Variants in ARHGAP39 observed in about 807,000 individuals in gnomAD.
ARHGAP39 encodes the protein rho GTPase-activating protein 39.
Under a neutral mutation model 106.9 loss-of-function variants are expected in ARHGAP39, and 44 were observed. The observed-to-expected ratio is 0.41, with a 90% CI of 0.32 to 0.53. The LOEUF (loss-of-function observed/expected upper bound fraction) is 0.53. Ranked by LOEUF, ARHGAP39 falls within the 20% of genes least tolerant of loss-of-function variation. The pLI, the probability that ARHGAP39 is intolerant of heterozygous loss-of-function variation, is 0.21. For synonymous variants in ARHGAP39, 768 were observed against 693.2 expected (o/e 1.11, Z -1.69); for missense variants, 1,496 against 1,577.3 (o/e 0.95, Z 0.87).
intron 3 of ARHGAP39, among the ~76,000 whole-genome samples, chr8:144,566,880 A>C (rs35179210): frequency 0.028 from 4,308 of 152,050 alleles, 202 homozygotes; most frequent in African/African-American, 0.099. Flanking sequence ...AAAAAAAGAA[A>C]TAAAGGAGCT....
intron 2 of ARHGAP39, among the ~76,000 whole-genome samples, chr8:144,584,907 C>T (rs1819123288): frequency 6.6e-6 from 1 of 152,218 alleles, no homozygotes; most frequent in African/African-American, 2.4e-5. Flanking sequence ...CCACACACTC[C>T]TCTCCCTCAG....
Position 144,547,051 on chromosome 8 carries a change from T to G in ARHGAP39, c.1959+76A>C. ...CACGCCCTGGACGCCAGGTCTCCTG[T>G]GCCTGGCCCACGGGGTCCACTCTGA... is the stretch of plus-strand genomic sequence containing the variant. On this transcript the variant is annotated intron_variant, in intron 5 of 11. Transcript: ENST00000377307. This position sits in a 1 kb window ranked among gnomAD's most constrained non-coding sequence, Gnocchi z 5.2. The G allele has an allele frequency of 6.9e-7, 1 of 1,452,552 alleles. No individual in the cohort carries two copies. Among genetic ancestry groups the G allele is most frequent in the Non-Finnish European group, 9.1e-7 (1 of 1,097,464 alleles). 90.0% of individuals were successfully genotyped at this position (1,452,552 alleles called of 1,614,324 possible).
chr8:144,629,382 C>T (rs1200336846), intron 1 of ARHGAP39, among the ~76,000 whole-genome samples: 1 of 152,026 alleles, frequency 6.6e-6, no homozygotes, highest in Non-Finnish European at 1.5e-5. Flanking sequence ...CCGCAGGCTC[C>T]AGCGGGGCTG....
At chr8:144,654,648 G>A in intron 1 of ARHGAP39, among the ~76,000 whole-genome samples, 1 of 152,198 alleles carries the variant, frequency 6.6e-6, no homozygotes, top group East Asian at 1.9e-4. Context: ...GGACAAGCAG[G>A]AGCCCCGCCC....
chr8:144,546,353 C>A (rs569146345), intron 5 of ARHGAP39, among the ~76,000 whole-genome samples: 1 of 152,240 alleles, frequency 6.6e-6, no homozygotes, highest in African/African-American at 2.4e-5. Context: ...GCCCTCTTGT[C>A]CTGCATCTTG....
rs146046843 is a variant in ARHGAP39, at chr8:144,647,054, C to T, written c.-82+38632G>A. Among the ~76,000 whole-genome samples, 1,611 of 151,564 alleles carry T rather than the reference C, an allele frequency of 0.011. 29 individuals are homozygous for T. The highest frequency in any genetic ancestry group is 0.037 in the African/African-American group (1,533 of 41,266). Reference sequence around the variant, plus strand: ...CACCATCTCGGCTCACTGCAAGCTCCGCCTCCTGGGTTCACACCATTCTCC... The same window carrying T: ...CACCATCTCGGCTCACTGCAAGCTCTGCCTCCTGGGTTCACACCATTCTCC... On this transcript the variant is annotated intron_variant, in intron 1 of 11. Coordinates refer to ENST00000377307, the MANE Select transcript of ARHGAP39 (RefSeq NM_025251.3). The surrounding 1 kb of genome is among the most constrained non-coding windows in gnomAD (Gnocchi z 4.8).
At chr8:144,623,689 G>A (rs1373749817) in intron 1 of ARHGAP39, among the ~76,000 whole-genome samples, 3 of 152,198 alleles carry the variant, frequency 2.0e-5, no homozygotes, top group Admixed American at 1.3e-4. Context: ...CCCAAGAAAC[G>A]GAAAACACAG....
intron 2 of ARHGAP39, among the ~76,000 whole-genome samples, chr8:144,589,283 T>C (rs1819301699): frequency 6.6e-6 from 1 of 152,176 alleles, no homozygotes; most frequent in South Asian, 2.1e-4. Context: ...TTATACTCTA[T>C]AAATTATATA....
intron 1 of ARHGAP39, among the ~76,000 whole-genome samples, chr8:144,668,715 T>C (rs1216100002): frequency 6.6e-6 from 1 of 151,964 alleles, no homozygotes; most frequent in African/African-American, 2.4e-5. Context: ...ACAACATTAG[T>C]AAGATGGCAG....
chr8:144,603,392 A>G (rs1403972242), intron 2 of ARHGAP39, among the ~76,000 whole-genome samples: 1 of 151,990 alleles, frequency 6.6e-6, no homozygotes, highest in African/African-American at 2.4e-5. Context: ...CTCCTGCATA[A>G]TTTTCTAGTT....
At chr8:144,686,424 A>C (rs1364842888), upstream of ARHGAP39, among the ~76,000 whole-genome samples, 1 of 152,172 alleles carries the variant, frequency 6.6e-6, no homozygotes, top group Non-Finnish European at 1.5e-5. Context: ...TCTTAGTGCC[A>C]GGTGCGTTTC....
rs779949508 is a variant in ARHGAP39, at chr8:144,545,772, G to C, written c.1998C>G (p.Ser666Arg). The C allele has an allele frequency of 6.3e-7, 1 of 1,596,722 alleles. No individual in the cohort carries two copies. The highest frequency in any genetic ancestry group is 1.7e-5 in the Admixed American group (1 of 59,518). Residue 666 changes from serine (S) to arginine (R), a missense_variant, in exon 6 of 12, where the codon AGC (serine) becomes AGG (arginine). By Grantham distance (110) the Ser-to-Arg change is moderately radical. Transcript: ENST00000377307. ...TGGGAACGCCGCTGCGGCTCTGCCG[G>C]CTGCTCTCGAACTGGGCACAGGCAG... ...DLAACAQFES[S>R]RQSRSGVPSS...
At chr8:144,578,006 A>G (rs555925734) in intron 3 of ARHGAP39, among the ~76,000 whole-genome samples, 93 of 152,274 alleles carry the variant, frequency 6.1e-4, no homozygotes, top group African/African-American at 2.2e-3. Context: ...TGTTGTTGTT[A>G]AAAGAAATGA....
chr8:144,683,345 A>G (rs1822479238), intron 1 of ARHGAP39: 1 of 149,896 alleles, frequency 6.7e-6, no homozygotes, highest in Non-Finnish European at 1.5e-5. Context: ...AAATAAAATA[A>G]AATATTCTTT....
Position 144,605,566 on chromosome 8 carries a change from G to A in ARHGAP39, c.49C>T (p.Pro17Ser). 1 of 1,613,914 alleles carries A rather than the reference G, an allele frequency of 6.2e-7. No homozygotes were observed. Among genetic ancestry groups the A allele is most frequent in the Non-Finnish European group, 8.5e-7 (1 of 1,180,030 alleles). The change falls in exon 2 of 12, where the codon CCG becomes TCG. Residue 17 changes from proline (P) to serine (S), a missense_variant. Physicochemically the swap from Pro to Ser is moderately conservative, Grantham distance 74 (BLOSUM62 -1). This residue lies in a region of ARHGAP39 where 96 missense variants were observed against 107.9 expected (regional missense o/e 0.89). Coordinates refer to ENST00000377307, the MANE Select transcript of ARHGAP39 (RefSeq NM_025251.3). ...TTCGACCCTGGAATCCTCGACTCCG[G>A]CAGGTCGACATTATGGCTCCTGCAC... ...YECRSHNVDL[P>S]ESRIPGSNTR...
chr8:144,664,652 T>C (rs1309069497), intron 1 of ARHGAP39, among the ~76,000 whole-genome samples: 1 of 152,198 alleles, frequency 6.6e-6, no homozygotes, highest in Non-Finnish European at 1.5e-5. Context: ...TTTCCTGTGT[T>C]ATTCTCGCGA....
Position 144,684,335 on chromosome 8 carries a change from T to A in ARHGAP39, c.-82+1351A>T, listed in dbSNP as rs565937963. ...CGCGAGAATCGCACCTTGCTCCTTG[T>A]GGATCGGGCGCCGCCGACGGAACCA... is the stretch of plus-strand genomic sequence containing the variant. On this transcript the variant is annotated intron_variant, in intron 1 of 11. Coordinates refer to ENST00000377307, the MANE Select transcript of ARHGAP39 (RefSeq NM_025251.3). The surrounding 1 kb of genome is among the most constrained non-coding windows in gnomAD (Gnocchi z 4.4). Among the ~76,000 whole-genome samples, 1 of 152,362 alleles carries A rather than the reference T, an allele frequency of 6.6e-6. No homozygotes were observed. Among genetic ancestry groups the A allele is most frequent in the East Asian group, 1.9e-4 (1 of 5,186 alleles).
chr8:144,551,626 G>A (rs186065010), intron 4 of ARHGAP39, among the ~76,000 whole-genome samples: 76 of 139,606 alleles, frequency 5.4e-4, no homozygotes, highest in African/African-American at 1.7e-3. Flanking sequence ...CCACCCTTCC[G>A]CCATGTAGGC....
intron 10 of ARHGAP39, 53 bp from the exon 11 acceptor site, chr8:144,530,924 C>T: frequency 6.4e-7 from 1 of 1,565,696 alleles, no homozygotes. Context: ...ACCCCTGGGC[C>T]AAATGGGGTC....
Sources: allele counts gnomAD v4.1 joint callset (sites outside exome capture counted in the v4.1 genomes callset), GRCh38; gene constraint gnomAD v4.1.1; regional missense constraint gnomAD v4.1.1; non-coding constraint Gnocchi (gnomAD v3.1); transcripts MANE v1.5; gene names NCBI Gene and HGNC (gene_info 2026-07-23, HGNC 2026-07-21).